MITD1: variants seen among roughly 807,000 people sequenced by gnomAD.
MITD1 encodes MIT domain-containing protein 1.
A neutral mutation model predicts 34.9 loss-of-function variants in MITD1; 24 were observed. The observed-to-expected ratio is 0.69, with a 90% CI of 0.50 to 0.97. MITD1 has a LOEUF of 0.97. Among genes scored for constraint, MITD1 ranks in the 50% least tolerant of loss-of-function variants. The pLI, the probability that MITD1 is intolerant of heterozygous loss-of-function variation, is 0.00. For missense variants in MITD1, 266 were observed against 294.6 expected, an observed-to-expected ratio of 0.90 and a Z score of 0.71; for synonymous variants, 102 against 101.4, an observed-to-expected ratio of 1.01 and a Z score of -0.04.
At chr2:99,173,105 TTTCA>T (rs1402747973) in intron 2 of MITD1, 1 of 158,976 alleles carries the variant, frequency 6.3e-6, no homozygotes, top group Non-Finnish European at 1.4e-5. Flanking sequence ...TGGAGTAAAA[TTTCA>T]TTCTAAATTT....
downstream of MITD1, among the ~76,000 whole-genome samples, chr2:99,168,299 G>T (rs139896695): frequency 6.6e-6 from 1 of 152,060 alleles, no homozygotes; most frequent in Non-Finnish European, 1.5e-5. Flanking sequence ...GCGCCACCAC[G>T]GCTGGCTAAT....
At chr2:99,163,961 C>A (rs2093814713) in intron 7 of MITD1, among the ~76,000 whole-genome samples, 1 of 152,130 alleles carries the variant, frequency 6.6e-6, no homozygotes, top group African/African-American at 2.4e-5. Context: ...TACTTTCTTA[C>A]CAGTATTCTC....
In MITD1 at chr2:99,180,786, C is replaced by T. The variant is rs140234538; in HGVS notation, c.151+45G>A. On this transcript the variant is annotated intron_variant, in intron 1 of 6. Coordinates refer to ENST00000289359, the MANE Select transcript of MITD1 (RefSeq NM_138798.3). ...ACTTCACCCCAGACACAGCAGGAAC[C>T]AGCTCCTTTTCCTCAGGTCCTCCCC... 3.7e-5 allele frequency: 57 copies of T among 1,537,850 alleles called. No homozygotes were observed. The East Asian group carries it at 1.2e-3, about 33-fold the overall frequency.
chr2:99,169,732 C>T (rs1031116390), intron 5 of MITD1, 122 bp from the exon 6 acceptor site: 3 of 679,284 alleles, frequency 4.4e-6, no homozygotes, highest in Non-Finnish European at 7.7e-6. Flanking sequence ...CCTCCAGTGG[C>T]ATGAGTTGAA....
chr2:99,162,186 C>T (rs1334771657), exon 8 of MITD1: 23 of 1,613,934 alleles, frequency 1.4e-5, no homozygotes, highest in Admixed American at 3.3e-5. Context: ...AATTGGTAGG[C>T]ATCAAAATCC....
chr2:99,163,288 CCTCTTTCTT>C (rs998284139), intron 7 of MITD1: 1 of 349,786 alleles, frequency 2.9e-6, no homozygotes, highest in Non-Finnish European at 5.2e-6. Context: ...CCTCTAGGAT[CCTCTTTCTT>C]CTCTTTCTTC....
At chr2:99,174,114 A>G (rs909523383) in intron 1 of MITD1, 98 bp from the exon 2 acceptor site, 4 of 664,466 alleles carry the variant, frequency 6.0e-6, no homozygotes, top group African/African-American at 1.8e-5. Flanking sequence ...CAAATTTCCT[A>G]TCCTCTAGTA....
intron 1 of MITD1, among the ~76,000 whole-genome samples, chr2:99,174,987 A>G (rs1448136694): frequency 1.3e-5 from 2 of 152,228 alleles, no homozygotes; most frequent in Admixed American, 6.5e-5. Context: ...CGGCCTCCCA[A>G]AGTGCTGGGA....
rs543370658 is a variant in MITD1 at position 99,163,256 on chromosome 2, CCTAT to C, written c.*4-1042_*4-1039del. The C allele has an allele frequency of 1.5e-3, 625 of 424,924 alleles. 1 individual carries two copies. The highest frequency in any genetic ancestry group is 9.3e-3 in the African/African-American group (450 of 48,598). The allele number at this position is 424,924 out of a possible 1,614,324, so 26.3% of individuals were successfully genotyped here. A position where few individuals can be genotyped will look rare whatever the true frequency, so the allele number is the denominator to read the frequency against. ...CATCTGAAATTCTTTATCACCTATCCCTATCTGTGTATTTCTTCTGACCTCTAGG... is the reference window on the plus strand; with the variant it reads ...CATCTGAAATTCTTTATCACCTATCCCTGTGTATTTCTTCTGACCTCTAGG... On this transcript the variant is annotated intron_variant, in intron 7 of 7. Transcript: ENST00000422537.
chr2:99,161,935 G>T (rs763538766), downstream of MITD1: 3 of 1,545,008 alleles, frequency 1.9e-6, no homozygotes, highest in Non-Finnish European at 2.6e-6. Context: ...GAATTAATTT[G>T]TTTGTCTTCC....
chr2:99,168,338 T>C (rs1245542699), downstream of MITD1, among the ~76,000 whole-genome samples: 1 of 152,106 alleles, frequency 6.6e-6, no homozygotes, highest in Non-Finnish European at 1.5e-5. Context: ...ACGGGGTTTC[T>C]CCATGTTGGC....
chr2:99,163,034 C>T (rs755679161), intron 7 of MITD1: 3 of 1,591,754 alleles, frequency 1.9e-6, no homozygotes, highest in African/African-American at 2.7e-5. Context: ...ACAAACTAAA[C>T]AGTAAATGGA....
At chr2:99,169,743 T>G in intron 5 of MITD1, 133 bp from the exon 6 acceptor site, 3 of 633,804 alleles carry the variant, frequency 4.7e-6, no homozygotes, top group Middle Eastern at 8.5e-4. Context: ...ATGAGTTGAA[T>G]CAAACCTGGG....
chr2:99,165,622 A>T (rs140500614), downstream of MITD1, among the ~76,000 whole-genome samples: 477 of 152,274 alleles, frequency 3.1e-3, 1 homozygote, highest in African/African-American at 9.8e-3. Context: ...CTAAAGTTTA[A>T]ATTTTAAACT....
chr2:99,171,413 C>G lies in MITD1; in HGVS notation c.407G>C (p.Arg136Pro), dbSNP rs373110802. The G allele has an allele frequency of 6.2e-7, 1 of 1,611,712 alleles. No homozygotes were observed. The highest frequency in any genetic ancestry group is 1.1e-5 in the South Asian group (1 of 90,948). Residue 136 changes from arginine to proline, a missense_variant, in exon 4 of 7, where the codon CGA becomes CCA. Physicochemically the swap from Arg to Pro is moderately radical, Grantham distance 103 (BLOSUM62 -2). Transcript: ENST00000289359. ...RHTHQLYNFLRFCEMLIKRPC... is the reference protein window; with the variant it reads ...RHTHQLYNFLPFCEMLIKRPC... ...TCTCTTAATAAGCATCTCACAAAAT[C>G]GAAGAAAGTTATACAGCTAAAAGAC...
intron 2 of MITD1, 107 bp downstream of exon 2, chr2:99,173,808 C>A (rs2093871022): frequency 1.4e-6 from 1 of 717,410 alleles, no homozygotes. Context: ...CTCCCAGGGA[C>A]AACTGGTCCA....
intron 1 of MITD1, 102 bp downstream of exon 1, chr2:99,180,729 C>T (rs1488060871): frequency 2.0e-6 from 2 of 1,003,954 alleles, no homozygotes; most frequent in Non-Finnish European, 3.1e-6. Flanking sequence ...ACTGCTTCTT[C>T]GTGGTGTGGA....
At chr2:99,168,935 A>G (rs2093839677), downstream of MITD1, among the ~76,000 whole-genome samples, 1 of 123,114 alleles carries the variant, frequency 8.1e-6, no homozygotes, top group Non-Finnish European at 1.6e-5. Flanking sequence ...ACATGCCACC[A>G]TGCCCGGCTA....
intron 2 of MITD1, chr2:99,171,853 G>T: frequency 3.9e-6 from 2 of 511,772 alleles, no homozygotes; most frequent in Non-Finnish European, 6.8e-6. Flanking sequence ...CTCCATTAGT[G>T]ATTTCTGCCT....
Sources: allele counts gnomAD v4.1 joint callset (sites outside exome capture counted in the v4.1 genomes callset), GRCh38; gene constraint gnomAD v4.1.1; transcripts MANE v1.5; gene names NCBI Gene and HGNC (gene_info 2026-07-23, HGNC 2026-07-21).